TNFSF4: variants seen among roughly 807,000 people sequenced by gnomAD.
The protein encoded by TNFSF4 is tumor necrosis factor ligand superfamily member 4.
In TNFSF4, 4 loss-of-function variants were observed where a neutral mutation model predicts 7.3. The ratio of observed to expected loss-of-function variants is 0.55; its 90% CI spans 0.27 to 1.25. The LOEUF is 1.25. TNFSF4 is among the 50% of genes most tolerant of loss of function. The probability of loss-of-function intolerance (pLI) is 0.12; values close to 1 mark genes in which losing one functional copy is unlikely to be tolerated. For synonymous variants in TNFSF4, 76 were observed against 83.7 expected (o/e 0.91, Z 0.50); for missense variants, 181 against 208.8 (o/e 0.87, Z 0.82).
the TNFSF4 span, among the ~76,000 whole-genome samples, chr1:173,266,244 T>C: frequency 6.6e-6 from 1 of 152,052 alleles, no homozygotes; most frequent in African/African-American, 2.4e-5. Context: ...GAGTAAAGAA[T>C]ATCAAAGAGA....
the TNFSF4 span, among the ~76,000 whole-genome samples, chr1:173,431,946 T>C: frequency 4.0e-4 from 61 of 152,278 alleles, no homozygotes; most frequent in Middle Eastern, 6.8e-3. Flanking sequence ...GAATACACAC[T>C]TGATAATAGT....
chr1:173,393,854 T>C, the TNFSF4 span, among the ~76,000 whole-genome samples: 1 of 152,236 alleles, frequency 6.6e-6, no homozygotes, highest in Non-Finnish European at 1.5e-5. Flanking sequence ...GTACTTTCAA[T>C]GAACTTATGC....
At chr1:173,352,078 C>T in the TNFSF4 span, 1 of 297,182 alleles carries the variant, frequency 3.4e-6, no homozygotes, top group Non-Finnish European at 6.2e-6. Context: ...TCATGGTGGC[C>T]ATTGAGTTTT....
At chr1:173,283,294 C>A in the TNFSF4 span, among the ~76,000 whole-genome samples, 1 of 152,058 alleles carries the variant, frequency 6.6e-6, no homozygotes, top group Non-Finnish European at 1.5e-5. Context: ...CATCCTTTCC[C>A]CCCCCAAAAA....
At chr1:173,409,520 C>G in the TNFSF4 span, among the ~76,000 whole-genome samples, 1 of 152,040 alleles carries the variant, frequency 6.6e-6, no homozygotes, top group East Asian at 1.9e-4. Context: ...AAAAAAAAGT[C>G]ATTATACTAT....
At chr1:173,404,308 T>C in the TNFSF4 span, among the ~76,000 whole-genome samples, 8 of 152,156 alleles carry the variant, frequency 5.3e-5, no homozygotes, top group African/African-American at 1.9e-4. Flanking sequence ...TGGCTAATCC[T>C]GGGACACATA....
chr1:173,328,467 C>T, the TNFSF4 span, among the ~76,000 whole-genome samples: 1 of 151,588 alleles, frequency 6.6e-6, no homozygotes, highest in Non-Finnish European at 1.5e-5. Context: ...AACAAACCTG[C>T]ACGTTGTGCA....
the TNFSF4 span, among the ~76,000 whole-genome samples, chr1:173,259,858 C>A: frequency 1.5e-4 from 23 of 152,098 alleles, no homozygotes; most frequent in African/African-American, 5.5e-4. Context: ...AAAGACCAAA[C>A]CTACAACTGG....
chr1:173,360,002 G>T, the TNFSF4 span, among the ~76,000 whole-genome samples: 5 of 152,190 alleles, frequency 3.3e-5, no homozygotes, highest in East Asian at 7.7e-4. Context: ...CAGATTATAT[G>T]ACCATAGGGT....
At chr1:173,205,440 G>A (rs1650146309) in intron 1 of TNFSF4, 4 of 1,572,792 alleles carry the variant, frequency 2.5e-6, no homozygotes, top group Non-Finnish European at 3.5e-6. Flanking sequence ...GATATTGATA[G>A]TCCAATGTGA....
At chr1:173,230,855 T>A in the TNFSF4 span, among the ~76,000 whole-genome samples, 1 of 152,198 alleles carries the variant, frequency 6.6e-6, no homozygotes, top group Non-Finnish European at 1.5e-5. Context: ...AAGAAATGGA[T>A]AAATTCCTGG....
the TNFSF4 span, among the ~76,000 whole-genome samples, chr1:173,322,993 C>G: frequency 1.3e-5 from 2 of 152,212 alleles, no homozygotes; most frequent in African/African-American, 4.8e-5. Flanking sequence ...CAGCAGAATC[C>G]TCTGCAGACT....
chr1:173,423,979 C>A, the TNFSF4 span, among the ~76,000 whole-genome samples: 7 of 152,218 alleles, frequency 4.6e-5, no homozygotes, highest in East Asian at 1.4e-3. Context: ...TGTGTCCTGA[C>A]ATGGTGGGAG....
the TNFSF4 span, among the ~76,000 whole-genome samples, chr1:173,349,196 T>A: frequency 6.6e-6 from 1 of 151,864 alleles, no homozygotes; most frequent in East Asian, 1.9e-4. Context: ...GCCCGGCTAA[T>A]TTTTTGTATT....
chr1:173,193,905 G>C (rs1179056355), intron 1 of TNFSF4, among the ~76,000 whole-genome samples: 1 of 152,182 alleles, frequency 6.6e-6, no homozygotes, highest in Non-Finnish European at 1.5e-5. Context: ...TACCAGCCCA[G>C]TGGTTCTTAA....
chr1:173,262,161 C>T, the TNFSF4 span, among the ~76,000 whole-genome samples: 406 of 152,312 alleles, frequency 2.7e-3, 1 homozygote, highest in Non-Finnish European at 4.5e-3. Context: ...CCCTGGGATA[C>T]AAGGCTGGTT....
At chr1:173,339,188 G>A in the TNFSF4 span, among the ~76,000 whole-genome samples, 1 of 151,972 alleles carries the variant, frequency 6.6e-6, no homozygotes, top group East Asian at 1.9e-4. Flanking sequence ...AGACCAGCGT[G>A]GGCAACATAG....
At chr1:173,406,891 G>A in the TNFSF4 span, among the ~76,000 whole-genome samples, 1 of 152,312 alleles carries the variant, frequency 6.6e-6, no homozygotes, top group African/African-American at 2.4e-5. Flanking sequence ...CTGTGGCCGT[G>A]GGGTGAAAGT....
chr1:173,248,993 A>G, the TNFSF4 span, among the ~76,000 whole-genome samples: 3 of 152,250 alleles, frequency 2.0e-5, no homozygotes, highest in South Asian at 2.1e-4. Flanking sequence ...AACAACATGA[A>G]TAAAAGATGA....
Sources: allele counts gnomAD v4.1 joint callset (sites outside exome capture counted in the v4.1 genomes callset), GRCh38; gene constraint gnomAD v4.1.1; transcripts MANE v1.5; gene names NCBI Gene and HGNC (gene_info 2026-07-23, HGNC 2026-07-21).